Variants in SLC2A3 observed in about 807,000 individuals in gnomAD.
The protein encoded by SLC2A3 is solute carrier family 2 member 3.
A neutral mutation model predicts 46.4 loss-of-function variants in SLC2A3; 21 were observed. That is an observed-to-expected ratio of 0.45 (90% CI 0.32 to 0.65). SLC2A3 has a LOEUF of 0.65. Ranked by LOEUF, SLC2A3 falls within the 30% of genes least tolerant of loss-of-function variation. SLC2A3 has a pLI of 0.04. For missense variants in SLC2A3, 499 were observed against 623.3 expected, an observed-to-expected ratio of 0.80 and a Z score of 2.12; for synonymous variants, 213 against 239.4, an observed-to-expected ratio of 0.89 and a Z score of 1.02.
intron 7 of SLC2A3, 116 bp downstream of exon 7, chr12:7,925,727 AG>A: frequency 2.5e-6 from 2 of 804,978 alleles, no homozygotes; most frequent in South Asian, 3.2e-5. Flanking sequence ...TTTTTCCCAA[AG>A]GAAAATTAAG....
At chr12:7,930,443 C>T in intron 5 of SLC2A3, 37 bp downstream of exon 5, 2 of 1,590,414 alleles carry the variant, frequency 1.3e-6, no homozygotes, top group Non-Finnish European at 1.7e-6. Context: ...AAACCACAAC[C>T]ATATAATTCA....
In SLC2A3 at chr12:7,921,305, T is replaced by G. The variant is rs111815763; in HGVS notation, c.*108A>C. ...GGAGTGCGTGGGATGAGAAAGGAAT[T>G]AAGTAGCAGCATTCAGAAGCGTCCT... On this transcript the variant is annotated 3_prime_UTR_variant, in exon 10 of 10. Transcript: ENST00000075120. 3 of 1,433,540 alleles carry G rather than the reference T, an allele frequency of 2.1e-6. No homozygotes were observed. Among genetic ancestry groups the G allele is most frequent in the Non-Finnish European group, 2.8e-6 (3 of 1,067,298 alleles). 88.8% of individuals were successfully genotyped at this position (1,433,540 alleles called of 1,614,324 possible). A position where few individuals can be genotyped will look rare whatever the true frequency, so the allele number is the denominator to read the frequency against.
In SLC2A3 at chr12:7,919,440, G is replaced by A. The variant is rs1177337815; in HGVS notation, c.*1973C>T. The A allele has an allele frequency of 1.4e-5, 2 of 140,804 alleles. No individual in the cohort carries two copies. The highest frequency in any genetic ancestry group is 4.4e-4 in the South Asian group (2 of 4,578). The allele number at this position is 140,804 out of a possible 1,614,324, so 8.7% of individuals were successfully genotyped here. ...TAGCTATGTGCATTTTTTTTTTTTT[G>A]AGACGGAGTCTCGCCCTGTGGCCCA... is the stretch of plus-strand genomic sequence containing the variant. On this transcript the variant is annotated 3_prime_UTR_variant, in exon 10 of 10. Coordinates refer to ENST00000075120, the MANE Select transcript of SLC2A3 (RefSeq NM_006931.3).
intron 5 of SLC2A3, 70 bp from the exon 6 acceptor site, chr12:7,929,941 C>T (rs1946134759): frequency 1.4e-5 from 23 of 1,606,546 alleles, no homozygotes; most frequent in South Asian, 1.0e-4. Context: ...TCCTGTAAGG[C>T]AGCCAGGAAA....
chr12:7,930,250 G>A, intron 5 of SLC2A3: 1 of 536,940 alleles, frequency 1.9e-6, no homozygotes, highest in South Asian at 2.5e-5. Context: ...TTATAATGCT[G>A]GATTACAGGC....
intron 7 of SLC2A3, 72 bp downstream of exon 7, chr12:7,925,772 T>C: frequency 3.4e-6 from 4 of 1,174,124 alleles, no homozygotes; most frequent in Non-Finnish European, 5.1e-6. Context: ...GGTAGGGTCA[T>C]GCAATCCATC....
At chr12:7,931,969 C>T (rs1946160557) in intron 3 of SLC2A3, among the ~76,000 whole-genome samples, 1 of 151,064 alleles carries the variant, frequency 6.6e-6, no homozygotes, top group Non-Finnish European at 1.5e-5. Flanking sequence ...GCAACCTGCG[C>T]CTCCCAGGCT....
chr12:7,921,588 A>T lies in SLC2A3; in HGVS notation c.1316T>A (p.Leu439His), dbSNP rs752537637. ...AYVFIIFTGF[L>H]ITFLAFTFFK... ...GAAGGTAAAAGCCAAGAAGGTAATG[A>T]GGAAGCCGGTGAAGATAATAAAAAC... is the stretch of plus-strand genomic sequence containing the variant. Residue 439 changes from leucine (L) to histidine (H), a missense_variant, in exon 10 of 10, where the codon CTC becomes CAC. Leu to His is a moderately conservative substitution (Grantham distance 99). Around this residue, in one of 5 missense-constraint regions of SLC2A3, gnomAD observed 179 missense variants for 205.1 expected, o/e 0.87. Coordinates refer to ENST00000075120, the MANE Select transcript of SLC2A3 (RefSeq NM_006931.3). The T allele has an allele frequency of 8.1e-6, 13 of 1,613,844 alleles. No homozygotes were observed. Among genetic ancestry groups the T allele is most frequent in the Non-Finnish European group, 1.1e-5 (13 of 1,179,864 alleles).
chr12:7,921,249 A>G lies in SLC2A3; in HGVS notation c.*164T>C, dbSNP rs1030684669. 2.3e-5 allele frequency: 32 copies of G among 1,396,450 alleles called. No individual in the cohort carries two copies. In the African/African-American group the frequency reaches 2.6e-4, roughly 11 times the overall value. 86.5% of individuals were successfully genotyped at this position (1,396,450 alleles called of 1,614,324 possible). A position where few individuals can be genotyped will look rare whatever the true frequency, so the allele number is the denominator to read the frequency against. On this transcript the variant is annotated 3_prime_UTR_variant, in exon 10 of 10. Coordinates refer to ENST00000075120, the MANE Select transcript of SLC2A3 (RefSeq NM_006931.3). ...AATAAAATTTAAAAAGCCATTGAAG[A>G]TCCAACAAACCGCAGCCTTGGGGTG... is the stretch of plus-strand genomic sequence containing the variant.
chr12:7,927,841 G>A (rs955804450), intron 6 of SLC2A3, among the ~76,000 whole-genome samples: 2 of 152,136 alleles, frequency 1.3e-5, no homozygotes, highest in Non-Finnish European at 2.9e-5. Context: ...CACTTTAGGA[G>A]AGAGAGCTGA....
In SLC2A3 at chr12:7,929,749, A is replaced by G; in HGVS notation, c.796T>C (p.Tyr266His). 1 of 1,613,576 alleles carries G rather than the reference A, an allele frequency of 6.2e-7. No individual in the cohort carries two copies. ...ATGGAAATGATGATGGGCTGTCGGTAGCTGGACACTCTAAAGAGCTCTAGC... is the reference window on the plus strand; with the variant it reads ...ATGGAAATGATGATGGGCTGTCGGTGGCTGGACACTCTAAAGAGCTCTAGC... Reference protein sequence around the residue: ...TVLELFRVSSYRQPIIISIVL... With the variant: ...TVLELFRVSSHRQPIIISIVL... Residue 266 changes from tyrosine to histidine, a missense_variant, in exon 6 of 10, where the codon TAC becomes CAC. Tyr to His is a moderately conservative substitution (Grantham distance 83, BLOSUM62 2). Around this residue, in one of 5 missense-constraint regions of SLC2A3, gnomAD observed 65 missense variants for 88.4 expected, o/e 0.74. Coordinates refer to ENST00000075120, the MANE Select transcript of SLC2A3 (RefSeq NM_006931.3).
intron 6 of SLC2A3, among the ~76,000 whole-genome samples, chr12:7,929,338 C>T (rs1470059409): frequency 6.6e-6 from 1 of 152,080 alleles, no homozygotes; most frequent in Non-Finnish European, 1.5e-5. Flanking sequence ...TTGTGCCGCC[C>T]TCTTTAAACT....
chr12:7,924,001 C>T (rs991508928), intron 8 of SLC2A3, among the ~76,000 whole-genome samples: 7 of 151,998 alleles, frequency 4.6e-5, no homozygotes, highest in Non-Finnish European at 1.0e-4. Flanking sequence ...CTCTCGACAT[C>T]AGGTGATCCG....
chr12:7,921,604 T>C lies in SLC2A3; in HGVS notation c.1300A>G (p.Ile434Val). 6.2e-7 allele frequency: 1 copy of C among 1,613,876 alleles called. No individual in the cohort carries two copies. The highest frequency in any genetic ancestry group is 8.5e-7 in the Non-Finnish European group (1 of 1,179,820). The change falls in exon 10 of 10, where the codon ATC becomes GTC. Residue 434 changes from isoleucine to valine, a missense_variant. Coordinates refer to ENST00000075120, the MANE Select transcript of SLC2A3 (RefSeq NM_006931.3). ...AAGGTAATGAGGAAGCCGGTGAAGA[T>C]AATAAAAACGTAGGCTCCTAAATAG... is the stretch of plus-strand genomic sequence containing the variant. The part of the protein sequence containing the change: ...AHYLGAYVFI[I>V]FTGFLITFLA...
At chr12:7,933,342 G>A in intron 2 of SLC2A3, 195 bp from the exon 3 acceptor site, 1 of 729,908 alleles carries the variant, frequency 1.4e-6, no homozygotes, top group Non-Finnish European at 2.2e-6. Flanking sequence ...AATCCCAGTA[G>A]GTGGCAGCAC....
chr12:7,935,313 C>G (rs1946201336), intron 1 of SLC2A3, among the ~76,000 whole-genome samples: 1 of 152,058 alleles, frequency 6.6e-6, no homozygotes, highest in Non-Finnish European at 1.5e-5. Context: ...TTAGCCGGGC[C>G]CGGTGGTTCA....
In SLC2A3 at chr12:7,920,542, C is replaced by G. The variant is rs769773588; in HGVS notation, c.*871G>C. 3 of 152,190 alleles carry G rather than the reference C, an allele frequency of 2.0e-5. No individual in the cohort carries two copies. Among genetic ancestry groups the G allele is most frequent in the Admixed American group, 1.3e-4 (2 of 15,278 alleles). The allele number at this position is 152,190 out of a possible 1,614,324, so 9.4% of individuals were successfully genotyped here. ...TAAACTATTATCTTAAAGAAAAAAG[C>G]TCCAAAGGAAATCAGTAGCTTTATT... is the stretch of plus-strand genomic sequence containing the variant. On this transcript the variant is annotated 3_prime_UTR_variant, in exon 10 of 10. Transcript: ENST00000075120.
At chr12:7,933,311 A>C in intron 2 of SLC2A3, 164 bp from the exon 3 acceptor site, 1 of 836,038 alleles carries the variant, frequency 1.2e-6, no homozygotes, top group Non-Finnish European at 1.8e-6. Context: ...TCGCTGGAAT[A>C]GTAATTCTAT....
rs1565601859 is a variant in SLC2A3, at chr12:7,921,389, G to A, written c.*24C>T. On this transcript the variant is annotated 3_prime_UTR_variant, in exon 10 of 10. Transcript: ENST00000075120. ...GGGAGAGGTGGCTTTCCCATGCCGG[G>A]AGGGAGGTGGAAGGAGGCACGACTT... 1.9e-6 allele frequency: 3 copies of A among 1,613,942 alleles called. 1 individual carries two copies. Among genetic ancestry groups the A allele is most frequent in the Non-Finnish European group, 2.5e-6 (3 of 1,179,830 alleles).
Sources: allele counts gnomAD v4.1 joint callset (sites outside exome capture counted in the v4.1 genomes callset), GRCh38; gene constraint gnomAD v4.1.1; regional missense constraint gnomAD v4.1.1; transcripts MANE v1.5; gene names NCBI Gene and HGNC (gene_info 2026-07-23, HGNC 2026-07-21).